The following CA4 variants were observed in gnomAD, a reference collection of about 807,000 sequenced individuals.
CA4 encodes CA-IV.
In CA4, 24 loss-of-function variants were observed where a neutral mutation model predicts 34.5. The observed-to-expected ratio is 0.70, with a 90% CI of 0.50 to 0.98. The LOEUF is 0.98. Among genes scored for constraint, CA4 ranks in the 50% least tolerant of loss-of-function variants. The pLI, the probability that CA4 is intolerant of heterozygous loss-of-function variation, is 0.00. For synonymous variants in CA4, 178 were observed against 170.6 expected (o/e 1.04, Z -0.34); for missense variants, 394 against 396.7 (o/e 0.99, Z 0.06).
intron 2 of CA4, among the ~76,000 whole-genome samples, chr17:60,156,059 C>T (rs773299239): frequency 5.9e-5 from 9 of 152,162 alleles, no homozygotes; most frequent in Non-Finnish European, 1.2e-4. Context: ...TCCAGGGTTA[C>T]TCCTCTCCCT....
chr17:60,158,301 C>CAG lies in CA4; in HGVS notation c.604_605dup (p.Ser202ArgfsTer14). 6.2e-7 allele frequency: 1 copy of CAG among 1,614,146 alleles called. No individual in the cohort carries two copies. The highest frequency in any genetic ancestry group is 8.5e-7 in the Non-Finnish European group (1 of 1,180,026). On this transcript the variant is annotated frameshift_variant, in exon 7 of 8. Coordinates refer to ENST00000300900, the MANE Select transcript of CA4 (RefSeq NM_000717.5). LOFTEE classifies it high-confidence loss of function. ...ATCTCAGAGATGAGCACTACGATGGCAGAGAGCAGCCTGTTGGACCTGCTC... is the reference window on the plus strand; with the variant it reads ...ATCTCAGAGATGAGCACTACGATGGCAGAGAGAGCAGCCTGTTGGACCTGCTC...
At chr17:60,154,125 A>T (rs1487739691) in intron 1 of CA4, among the ~76,000 whole-genome samples, 15 of 152,134 alleles carry the variant, frequency 9.9e-5, no homozygotes, top group Admixed American at 8.5e-4. Context: ...GCTGAGTGGG[A>T]ACCGTGCTTT....
Position 60,150,799 on chromosome 17 carries a change from C to T in CA4, c.58+707C>T, listed in dbSNP as rs8068950. On this transcript the variant is annotated intron_variant, in intron 1 of 7. Coordinates refer to ENST00000300900, the MANE Select transcript of CA4 (RefSeq NM_000717.5). ...GCTGGGACTCAGCGCTGGGTGACTG[C>T]CCCGCGGCCAGAGCAAGGGCGGTCT... Among the ~76,000 whole-genome samples the T allele has an allele frequency of 8.2e-3, 1,245 of 152,130 alleles. 13 individuals carry two copies. Among genetic ancestry groups the T allele is most frequent in the African/African-American group, 0.029 (1,184 of 41,534 alleles).
intron 6 of CA4, 70 bp downstream of exon 6, chr17:60,158,197 G>A: frequency 6.2e-7 from 1 of 1,605,292 alleles, no homozygotes; most frequent in Non-Finnish European, 8.5e-7. Flanking sequence ...AGGGGTGGGT[G>A]TGCGGGGAGC....
At chr17:60,161,413 G>A (rs2083787284), downstream of CA4, among the ~76,000 whole-genome samples, 1 of 152,124 alleles carries the variant, frequency 6.6e-6, no homozygotes, top group Non-Finnish European at 1.5e-5. Context: ...AGTGAATGGG[G>A]CACCCAGGTT....
downstream of CA4, among the ~76,000 whole-genome samples, chr17:60,174,516 C>G (rs1320556966): frequency 6.6e-6 from 1 of 151,506 alleles, no homozygotes; most frequent in South Asian, 2.1e-4. Flanking sequence ...GAGTCCCCAT[C>G]GCTCCCCATT....
chr17:60,158,518 T>C (rs1597996341), intron 7 of CA4, 72 bp downstream of exon 7: 2 of 1,480,544 alleles, frequency 1.4e-6, no homozygotes, highest in Non-Finnish European at 1.9e-6. Context: ...CTGTCTGCCC[T>C]CAGAGGTCCC....
chr17:60,158,565 C>A, intron 7 of CA4, 119 bp downstream of exon 7: 2 of 963,288 alleles, frequency 2.1e-6, no homozygotes, highest in South Asian at 2.9e-5. Flanking sequence ...AACTGAAGTC[C>A]GTTGTTAATC....
In CA4 at chr17:60,156,963, G is replaced by A. The variant is rs570431634; in HGVS notation, c.268+248G>A. On this transcript the variant is annotated intron_variant, in intron 3 of 7. Coordinates refer to ENST00000300900, the MANE Select transcript of CA4 (RefSeq NM_000717.5). ...CAGGAAGAAGGACATGTGCAAAGGC[G>A]CGGAGGCATGGAACAGCTCGGCGTG... 17 of 582,544 alleles carry A rather than the reference G, an allele frequency of 2.9e-5. No individual in the cohort carries two copies. In the East Asian group the frequency reaches 3.3e-4, roughly 11 times the overall value. 36.1% of individuals were successfully genotyped at this position (582,544 alleles called of 1,614,324 possible). A position where few individuals can be genotyped will look rare whatever the true frequency, so the allele number is the denominator to read the frequency against.
At chr17:60,160,535 G>A (rs187988282), downstream of CA4, among the ~76,000 whole-genome samples, 166 of 152,072 alleles carry the variant, frequency 1.1e-3, 1 homozygote, top group African/African-American at 3.8e-3. Flanking sequence ...AAGCCGAGGC[G>A]GGCAGATCAC....
In CA4 at chr17:60,158,141, G is replaced by C; in HGVS notation, c.580+14G>C. 1 of 1,613,804 alleles carries C rather than the reference G, an allele frequency of 6.2e-7. No individual in the cohort carries two copies. Among genetic ancestry groups the C allele is most frequent in the Admixed American group, 1.7e-5 (1 of 60,022 alleles). ...TCCCCAAACCTGGTGAGTCAGGATG[G>C]GGGAGAAGGGCTTGGGGTGAGGGGG... On this transcript the variant is annotated intron_variant, in intron 6 of 7. Transcript: ENST00000300900.
At chr17:60,160,561 T>C (rs2083774981), downstream of CA4, among the ~76,000 whole-genome samples, 1 of 151,560 alleles carries the variant, frequency 6.6e-6, no homozygotes, top group Admixed American at 6.6e-5. Flanking sequence ...GTCAGGGGTT[T>C]GAGACCAGCC....
chr17:60,170,622 C>G (rs1471410743), exon 6 of CA4: 2 of 152,288 alleles, frequency 1.3e-5, no homozygotes, highest in African/African-American at 4.8e-5. Context: ...AAGAGGCCTG[C>G]ATGACTCTTT....
At chr17:60,161,494 G>A (rs1346859491), downstream of CA4, among the ~76,000 whole-genome samples, 7 of 152,070 alleles carry the variant, frequency 4.6e-5, no homozygotes, top group Admixed American at 3.3e-4. Context: ...ACAGGAAGGC[G>A]TGCCCACCAG....
At chr17:60,169,691 A>G (rs1026645276) in intron 5 of CA4, among the ~76,000 whole-genome samples, 4 of 152,012 alleles carry the variant, frequency 2.6e-5, no homozygotes, top group Non-Finnish European at 5.9e-5. Flanking sequence ...GGGTTTCACC[A>G]TGTTAGCCAG....
chr17:60,158,918 A>AG (rs1182658527), intron 7 of CA4: 5 of 461,970 alleles, frequency 1.1e-5, no homozygotes, highest in Non-Finnish European at 2.0e-5. Context: ...CCCGCCCCCC[A>AG]GCTGATGCTA....
At chr17:60,150,245 C>A (rs994584701) in intron 1 of CA4, among the ~76,000 whole-genome samples, 153 bp downstream of exon 1, 1 of 152,118 alleles carries the variant, frequency 6.6e-6, no homozygotes, top group African/African-American at 2.4e-5. Flanking sequence ...CGCGAGGGTG[C>A]GGGAGGACTG....
chr17:60,162,266 C>T (rs2083799545), downstream of CA4, among the ~76,000 whole-genome samples: 1 of 152,128 alleles, frequency 6.6e-6, no homozygotes, highest in Non-Finnish European at 1.5e-5. Flanking sequence ...CTCCCGAGGC[C>T]GCCACTGATG....
rs2083658099 is a variant in CA4, at chr17:60,155,321, C to T, written c.66C>T (p.His22=). Residue 22 remains histidine (H), a synonymous_variant, in exon 2 of 8, where the codon CAC becomes CAT. Transcript: ENST00000300900. ...AARPSASAES[H]WCYEVQAESS... ...CCTTCCTCTCTGCTCCAGAGTCACA[C>T]TGGTGCTACGAGGTTCAAGCCGAGT... 1.2e-6 allele frequency: 2 copies of T among 1,611,592 alleles called. No individual in the cohort carries two copies. Among genetic ancestry groups the T allele is most frequent in the African/African-American group, 1.3e-5 (1 of 74,758 alleles).
Sources: gnomAD v4.1 joint callset for allele counts (sites outside exome capture counted in the v4.1 genomes callset) on GRCh38, gnomAD v4.1.1 for gene constraint, MANE v1.5 for transcripts, NCBI Gene and HGNC (gene_info 2026-07-23, HGNC 2026-07-21) for gene names.